The following AIF1L variants were observed in gnomAD, a reference collection of about 807,000 sequenced individuals.
AIF1L encodes allograft inflammatory factor 1-like.
AIF1L carries 12 observed loss-of-function variants against 20.7 expected under a neutral mutation model. The ratio of observed to expected loss-of-function variants is 0.58; its 90% confidence interval spans 0.37 to 0.94. The LOEUF (loss-of-function observed/expected upper bound fraction) is 0.94, where lower values mean the gene tolerates loss of function less well. Ranked by LOEUF, AIF1L falls within the 40% of genes least tolerant of loss-of-function variation. The pLI, the probability that AIF1L is intolerant of heterozygous loss-of-function variation, is 0.01. For missense variants in AIF1L, 173 were observed against 185.3 expected, an observed-to-expected ratio of 0.93 and a Z score of 0.39; for synonymous variants, 76 against 65.1, an observed-to-expected ratio of 1.17 and a Z score of -0.81.
chr9:131,102,389 G>T (rs1381233423), intron 2 of AIF1L, among the ~76,000 whole-genome samples: 8 of 152,162 alleles, frequency 5.3e-5, no homozygotes, highest in Non-Finnish European at 1.2e-4. Flanking sequence ...TATGTACCTG[G>T]CAGTGCCACT....
chr9:131,102,899 A>G (rs1413560455), intron 2 of AIF1L: 5 of 456,148 alleles, frequency 1.1e-5, no homozygotes, highest in Non-Finnish European at 2.2e-5. Flanking sequence ...CAAGATGGTG[A>G]TATCCGCCCA....
chr9:131,103,797 G>A (rs1185352877), intron 2 of AIF1L, among the ~76,000 whole-genome samples: 2 of 152,210 alleles, frequency 1.3e-5, no homozygotes, highest in African/African-American at 2.4e-5. Context: ...CCTGCCCAGA[G>A]CCACAGAGCT....
rs1352623893 is a variant in AIF1L, at chr9:131,120,447, T to C, written c.*125T>C. On this transcript the variant is annotated 3_prime_UTR_variant, in exon 6 of 6. Coordinates refer to ENST00000247291, the MANE Select transcript of AIF1L (RefSeq NM_031426.4). ...GGTCATTGAGGGTTTGTTTGTGTTT[T>C]CATCAATGTCTTTGTAAAGCACAAA... 6 of 806,708 alleles carry C rather than the reference T, an allele frequency of 7.4e-6. No homozygotes were observed. Among genetic ancestry groups the C allele is most frequent in the African/African-American group, 3.5e-5 (2 of 57,062 alleles). 50.0% of individuals were successfully genotyped at this position (806,708 alleles called of 1,614,324 possible).
intron 2 of AIF1L, among the ~76,000 whole-genome samples, chr9:131,106,786 T>C (rs1588182241): frequency 1.1e-5 from 1 of 89,470 alleles, no homozygotes; most frequent in Non-Finnish European, 2.2e-5. Context: ...GAAGGTGACA[T>C]TCGGCCGCAT....
intron 4 of AIF1L, among the ~76,000 whole-genome samples, chr9:131,115,449 CAAA>C (rs746698091): frequency 0.015 from 889 of 60,342 alleles, 7 homozygotes; most frequent in African/African-American, 0.06. Flanking sequence ...GATTCTGTCT[CAAA>C]AAAAAAAAAA....
At chr9:131,103,065 G>T in intron 2 of AIF1L, 1 of 449,920 alleles carries the variant, frequency 2.2e-6, no homozygotes, top group Non-Finnish European at 4.5e-6. Context: ...CACGGCAGGG[G>T]CTGCCAGCTT....
chr9:131,111,713 G>A (rs1830892013), intron 3 of AIF1L, 50 bp downstream of exon 3: 1 of 1,571,302 alleles, frequency 6.4e-7, no homozygotes, highest in African/African-American at 1.3e-5. Context: ...AGGTGGGCTG[G>A]CCCCTCATCC....
Position 131,114,433 on chromosome 9 carries a change from G to T in AIF1L, c.161-144G>T, listed in dbSNP as rs182567080. 3.1e-3 allele frequency: 2,546 copies of T among 834,352 alleles called. 7 individuals are homozygous for T. The highest frequency in any genetic ancestry group is 3.8e-3 in the Non-Finnish European group (1,884 of 494,478). The allele number at this position is 834,352 out of a possible 1,614,324, so 51.7% of individuals were successfully genotyped here. ...AGAGGCCATGGCTCAGCGGATGGGGGACTCAGGTCAAGACCCTTGGTAGGG... is the reference window on the plus strand; with the variant it reads ...AGAGGCCATGGCTCAGCGGATGGGGTACTCAGGTCAAGACCCTTGGTAGGG... On this transcript the variant is annotated intron_variant, in intron 3 of 5. Coordinates refer to ENST00000247291, the MANE Select transcript of AIF1L (RefSeq NM_031426.4).
intron 5 of AIF1L, among the ~76,000 whole-genome samples, chr9:131,119,753 G>A (rs779188639): frequency 4.6e-5 from 7 of 152,142 alleles, no homozygotes; most frequent in Admixed American, 6.5e-5. Flanking sequence ...TGAGCCACCC[G>A]GCTGGGAAGT....
chr9:131,111,714 C>T (rs745830924), intron 3 of AIF1L, 51 bp downstream of exon 3: 2 of 1,568,624 alleles, frequency 1.3e-6, no homozygotes, highest in Admixed American at 1.7e-5. Context: ...GGTGGGCTGG[C>T]CCCTCATCCT....
chr9:131,102,967 G>C, intron 2 of AIF1L: 1 of 456,350 alleles, frequency 2.2e-6, no homozygotes, highest in South Asian at 1.5e-5. Flanking sequence ...CAGGAGCAAG[G>C]GTTCGCCAGA....
chr9:131,099,027 A>G (rs1441394178), intron 2 of AIF1L, among the ~76,000 whole-genome samples: 1 of 152,152 alleles, frequency 6.6e-6, no homozygotes. Flanking sequence ...GTCATGAGGT[A>G]CCCACAAGCA....
chr9:131,097,073 G>A (rs993035403), intron 2 of AIF1L, among the ~76,000 whole-genome samples: 32 of 151,324 alleles, frequency 2.1e-4, no homozygotes, highest in Non-Finnish European at 7.4e-5. Context: ...GTCTCGGGTT[G>A]CAAGTTGTTA....
intron 3 of AIF1L, among the ~76,000 whole-genome samples, chr9:131,112,854 C>G (rs1830924592): frequency 6.6e-6 from 1 of 152,182 alleles, no homozygotes; most frequent in South Asian, 2.1e-4. Flanking sequence ...TGGCCACTCC[C>G]AGGGGTGGCT....
intron 3 of AIF1L, among the ~76,000 whole-genome samples, chr9:131,113,526 A>G (rs980841401): frequency 2.1e-5 from 3 of 142,342 alleles, no homozygotes; most frequent in African/African-American, 5.2e-5. Context: ...AAAAAGCATA[A>G]TGGTTAAGAA....
intron 4 of AIF1L, 144 bp from the exon 5 acceptor site, chr9:131,117,612 G>T: frequency 1.3e-6 from 1 of 774,500 alleles, no homozygotes; most frequent in Non-Finnish European, 2.0e-6. Context: ...AGAGCAGGGA[G>T]GGCGTGATGG....
At chr9:131,106,454 C>T (rs144824095) in intron 2 of AIF1L, among the ~76,000 whole-genome samples, 82 of 152,148 alleles carry the variant, frequency 5.4e-4, no homozygotes, top group African/African-American at 1.7e-3. Context: ...GATTGGAAGT[C>T]GGGGCAGCTG....
rs10123578 is a variant in AIF1L at position 131,113,060 on chromosome 9, C to T, written c.160+1397C>T. Reference sequence around the variant, plus strand: ...GCTCCCACCCGGGAGCCTGTGTTCTCGCTCGGGGGGCGGTGTGAGAGGTGG... The same window carrying T: ...GCTCCCACCCGGGAGCCTGTGTTCTTGCTCGGGGGGCGGTGTGAGAGGTGG... On this transcript the variant is annotated intron_variant, in intron 3 of 5. Transcript: ENST00000247291. 7.5e-3 allele frequency among the ~76,000 whole-genome samples: 1,146 copies of T among 152,152 alleles called. 13 individuals carry two copies. The highest frequency in any genetic ancestry group is 0.026 in the African/African-American group (1,071 of 41,482).
At position 131,114,168 on chromosome 9, in the gene AIF1L, C is replaced by T. The variant is rs565839107; in HGVS notation, c.161-409C>T. 1.4e-4 allele frequency: 29 copies of T among 213,510 alleles called. 1 individual carries two copies. The East Asian group carries it at 2.3e-3, about 17-fold the overall frequency. The allele number at this position is 213,510 out of a possible 1,614,324, so 13.2% of individuals were successfully genotyped here. A position where few individuals can be genotyped will look rare whatever the true frequency, so the allele number is the denominator to read the frequency against. On this transcript the variant is annotated intron_variant, in intron 3 of 5. Coordinates refer to ENST00000247291, the MANE Select transcript of AIF1L (RefSeq NM_031426.4). ...GGTTGCCCATCAGAACTGCCTGGGA[C>T]GCTAAAAAGCACACCCATGCCTGCC... is the stretch of plus-strand genomic sequence containing the variant.
Sources: gnomAD v4.1 joint callset for allele counts (sites outside exome capture counted in the v4.1 genomes callset) on GRCh38, gnomAD v4.1.1 for gene constraint, MANE v1.5 for transcripts, NCBI Gene and HGNC (gene_info 2026-07-23, HGNC 2026-07-21) for gene names.